The following MYO1H variants were observed in gnomAD, a reference collection of about 807,000 sequenced individuals.
MYO1H encodes myosin IH, also known as unconventional myosin-Ih.
MYO1H carries 118 observed loss-of-function variants against 149.3 expected under a neutral mutation model. The observed-to-expected ratio is 0.79, with a 90% confidence interval of 0.68 to 0.92. The LOEUF (loss-of-function observed/expected upper bound fraction) is 0.92. MYO1H is among the 40% of genes least tolerant of loss of function. The probability of loss-of-function intolerance (pLI) is 0.00; values close to 1 mark genes in which losing one functional copy is unlikely to be tolerated. For synonymous variants in MYO1H, 447 were observed against 465.2 expected, an observed-to-expected ratio of 0.96 and a Z score of 0.50; for missense variants, 1,212 against 1,280.7, an observed-to-expected ratio of 0.95 and a Z score of 0.82.
At chr12:109,350,329 C>A (rs986210838) in intron 1 of MYO1H, among the ~76,000 whole-genome samples, 1 of 152,108 alleles carries the variant, frequency 6.6e-6, no homozygotes, top group African/African-American at 2.4e-5. Context: ...TCCCATAATT[C>A]CCTCGTGTTG....
At chr12:109,403,866 TGA>T in intron 6 of MYO1H, 114 bp from the exon 7 acceptor site, 16 of 620,728 alleles carry the variant, frequency 2.6e-5, no homozygotes, top group Admixed American at 2.0e-4. Context: ...AACCTATTTT[TGA>T]TTCGCAATTC....
the MYO1H span, among the ~76,000 whole-genome samples, chr12:109,341,050 T>TCA: frequency 5.3e-5 from 8 of 151,996 alleles, no homozygotes; most frequent in Admixed American, 5.2e-4. Flanking sequence ...TAGCCATATG[T>TCA]GGTGGCGGGC....
chr12:109,330,291 C>T, the MYO1H span, among the ~76,000 whole-genome samples: 2 of 152,104 alleles, frequency 1.3e-5, no homozygotes, highest in African/African-American at 2.4e-5. Flanking sequence ...CACACACATA[C>T]ATATATACAT....
the MYO1H span, among the ~76,000 whole-genome samples, chr12:109,325,864 A>G: frequency 1.3e-5 from 2 of 152,210 alleles, no homozygotes; most frequent in Non-Finnish European, 2.9e-5. Context: ...CAAAACCACA[A>G]TGAGATACCA....
the MYO1H span, among the ~76,000 whole-genome samples, chr12:109,337,461 C>T: frequency 2.6e-5 from 4 of 152,130 alleles, no homozygotes; most frequent in Non-Finnish European, 5.9e-5. Context: ...TTAATTGACT[C>T]ACAGTTCCAC....
chr12:109,410,028 TA>T lies in MYO1H; in HGVS notation c.1293del (p.Ala432GlnfsTer11). ...CAGCAACTGTTAATTGAGAGGACTCTAAAAGCAGAACAGGCAGAATATGAAA... is the reference window on the plus strand; with the variant it reads ...CAGCAACTGTTAATTGAGAGGACTCTAAAGCAGAACAGGCAGAATATGAAA... On this transcript the variant is annotated frameshift_variant, in exon 12 of 32. Coordinates refer to ENST00000310903, the Ensembl canonical transcript of MYO1H. LOFTEE classifies it high-confidence loss of function. 1 of 1,543,772 alleles carries T rather than the reference TA, an allele frequency of 6.5e-7. No individual in the cohort carries two copies. Among genetic ancestry groups the T allele is most frequent in the Admixed American group, 2.0e-5 (1 of 50,394 alleles).
chr12:109,312,715 G>A, the MYO1H span, among the ~76,000 whole-genome samples: 1 of 151,848 alleles, frequency 6.6e-6, no homozygotes, highest in Non-Finnish European at 1.5e-5. Flanking sequence ...CCGCTGGCTT[G>A]GTCTAGTGAA....
chr12:109,374,698 A>T (rs1198849356), intron 1 of MYO1H, among the ~76,000 whole-genome samples: 3 of 152,318 alleles, frequency 2.0e-5, no homozygotes, highest in Middle Eastern at 3.4e-3. Context: ...AAGTAATTGT[A>T]CCAATTTACA....
At chr12:109,439,855 G>A in intron 24 of MYO1H, 65 bp downstream of exon 24, 2 of 1,444,888 alleles carry the variant, frequency 1.4e-6, no homozygotes, top group East Asian at 4.7e-5. Context: ...CTTAACTCTT[G>A]CATGTCTTTG....
intron 20 of MYO1H, among the ~76,000 whole-genome samples, chr12:109,433,235 T>G (rs1871715874): frequency 6.6e-6 from 1 of 152,212 alleles, no homozygotes; most frequent in Non-Finnish European, 1.5e-5. Flanking sequence ...ACTTCCGCAC[T>G]AAACTGATTT....
chr12:109,387,761 C>T (rs1208098354), intron 1 of MYO1H, among the ~76,000 whole-genome samples: 3 of 152,346 alleles, frequency 2.0e-5, no homozygotes, highest in African/African-American at 7.2e-5. Flanking sequence ...TCACAGCCCT[C>T]CTGATGCAGA....
the MYO1H span, among the ~76,000 whole-genome samples, chr12:109,326,967 C>T: frequency 6.6e-6 from 1 of 152,068 alleles, no homozygotes; most frequent in Non-Finnish European, 1.5e-5. Flanking sequence ...GGACAAAATA[C>T]ACCTCTTCAA....
rs1871336503 is a variant in MYO1H at position 109,425,943 on chromosome 12, C to A, written c.1726-3C>A. On this transcript the variant is annotated splice_polypyrimidine_tract_variant and splice_region_variant and intron_variant, in intron 17 of 31. Transcript: ENST00000310903. ...CTCTCTCTCTTTCTCTCTCTCTCTG[C>A]AGGTGGGGACTCAGTTTAAAAACAG... 6.2e-7 allele frequency: 1 copy of A among 1,602,816 alleles called. No homozygotes were observed. The highest frequency in any genetic ancestry group is 8.5e-7 in the Non-Finnish European group (1 of 1,170,124).
intron 3 of MYO1H, 77 bp downstream of exon 3, chr12:109,393,523 G>T (rs761303641): frequency 2.2e-6 from 1 of 446,852 alleles, no homozygotes; most frequent in Non-Finnish European, 3.4e-6. Flanking sequence ...TTCTCACCAC[G>T]CATCTGTCCA....
the MYO1H span, among the ~76,000 whole-genome samples, chr12:109,321,613 T>C: frequency 6.6e-6 from 1 of 152,204 alleles, no homozygotes; most frequent in African/African-American, 2.4e-5. Flanking sequence ...AAAGGTCAGG[T>C]GTTCATATGA....
At chr12:109,328,700 C>T in the MYO1H span, among the ~76,000 whole-genome samples, 1 of 150,800 alleles carries the variant, frequency 6.6e-6, no homozygotes, top group South Asian at 2.1e-4. Context: ...GTCGTTTTTT[C>T]CTGTTTTGCA....
intron 21 of MYO1H, among the ~76,000 whole-genome samples, chr12:109,435,349 G>GTTCTCA (rs1402297523): frequency 1.8e-5 from 2 of 110,284 alleles, no homozygotes; most frequent in African/African-American, 3.6e-5. Context: ...TTCAGTTCTC[G>GTTCTCA]TTTGGATCAG....
At chr12:109,440,699 A>G in intron 24 of MYO1H, 45 bp from the exon 25 acceptor site, 3 of 1,401,188 alleles carry the variant, frequency 2.1e-6, no homozygotes, top group Non-Finnish European at 3.0e-6. Context: ...AGCCCCAGAC[A>G]GGGAGTGAGT....
intron 22 of MYO1H, among the ~76,000 whole-genome samples, chr12:109,437,206 A>G (rs1592818822): frequency 6.6e-6 from 1 of 151,912 alleles, no homozygotes; most frequent in African/African-American, 2.4e-5. Flanking sequence ...CTCAAACAAC[A>G]CTCCCACCCA....
Sources: allele counts gnomAD v4.1 joint callset (sites outside exome capture counted in the v4.1 genomes callset), GRCh38; gene constraint gnomAD v4.1.1; transcripts MANE v1.5; gene names NCBI Gene and HGNC (gene_info 2026-07-23, HGNC 2026-07-21).